Variants in PTPN7 observed in about 807,000 individuals in gnomAD.
PTPN7 encodes protein tyrosine phosphatase non-receptor type 7.
A neutral mutation model predicts 50.3 loss-of-function variants in PTPN7; 33 were observed. The observed-to-expected ratio is 0.66, with a 90% CI of 0.50 to 0.88. PTPN7 has a LOEUF of 0.88. Ranked by LOEUF, PTPN7 falls within the 40% of genes least tolerant of loss-of-function variation. The pLI is 0.00. For synonymous variants in PTPN7, 185 were observed against 186.6 expected (o/e 0.99, Z 0.07); for missense variants, 412 against 475.4 (o/e 0.87, Z 1.24).
Position 202,148,519 on chromosome 1 carries a change from C to T in PTPN7, c.*87G>A. 2 of 1,239,902 alleles carry T rather than the reference C, an allele frequency of 1.6e-6. No individual in the cohort carries two copies. The highest frequency in any genetic ancestry group is 2.4e-5 in the East Asian group (1 of 41,312). 76.8% of individuals were successfully genotyped at this position (1,239,902 alleles called of 1,614,324 possible). ...TTCCCCACACCAACCCAAGGGGTAC[C>T]CCCAGATCACTCGGCCCACTTTCCC... On this transcript the variant is annotated 3_prime_UTR_variant, in exon 10 of 10. Coordinates refer to ENST00000691036, the MANE Select transcript of PTPN7 (RefSeq NM_002832.4).
rs761025218 is a variant in PTPN7, at chr1:202,148,628, A to G, written c.1061T>C (p.Leu354Pro). ...HHTLALYAGQ[L>P]PEEPSP Reference sequence around the variant, plus strand: ...GGGTCAGGGGCTGGGTTCCTCAGGCAGCTGGCCTGCATACAGGGCCAAAGT... The same window carrying G: ...GGGTCAGGGGCTGGGTTCCTCAGGCGGCTGGCCTGCATACAGGGCCAAAGT... The change falls in exon 10 of 10, where the codon CTG becomes CCG. Residue 354 changes from leucine to proline, a missense_variant. Leu to Pro is a moderately conservative substitution (Grantham distance 98). Coordinates refer to ENST00000691036, the MANE Select transcript of PTPN7 (RefSeq NM_002832.4). 1 of 1,613,908 alleles carries G rather than the reference A, an allele frequency of 6.2e-7. No individual in the cohort carries two copies. The highest frequency in any genetic ancestry group is 8.5e-7 in the Non-Finnish European group (1 of 1,179,906).
chr1:202,150,622 T>C (rs915234163), intron 8 of PTPN7, among the ~76,000 whole-genome samples, 198 bp from the exon 9 acceptor site: 1 of 152,208 alleles, frequency 6.6e-6, no homozygotes, highest in African/African-American at 2.4e-5. Flanking sequence ...TTAATTGGCA[T>C]GGGAGGAGTT....
intron 8 of PTPN7, among the ~76,000 whole-genome samples, chr1:202,151,274 T>C (rs1252769139): frequency 6.6e-6 from 1 of 152,224 alleles, no homozygotes; most frequent in Non-Finnish European, 1.5e-5. Flanking sequence ...GGGCCTAACC[T>C]GTAACCCTGC....
chr1:202,158,378 G>A (rs1656933979), intron 2 of PTPN7, 77 bp from the exon 3 acceptor site: 1 of 1,469,662 alleles, frequency 6.8e-7, no homozygotes. Context: ...TTTTCTTTTA[G>A]AGATAGGGTC....
In PTPN7 at chr1:202,160,066, C is replaced by T. The variant is rs1282230876; in HGVS notation, c.-53+479G>A. The T allele has an allele frequency of 3.6e-6, 3 of 829,590 alleles. No individual in the cohort carries two copies. Among genetic ancestry groups the T allele is most frequent in the African/African-American group, 1.9e-5 (1 of 54,034 alleles). The allele number at this position is 829,590 out of a possible 1,614,324, so 51.4% of individuals were successfully genotyped here. ...CTCCTGCCCATCCCCCCGTCTCCCG[C>T]CTCTGTAACCGTCACAGGAAATGGC... On this transcript the variant is annotated intron_variant, in intron 1 of 9. Coordinates refer to ENST00000691036, the MANE Select transcript of PTPN7 (RefSeq NM_002832.4). This position sits in a 1 kb window ranked among gnomAD's most constrained non-coding sequence, Gnocchi z 4.8.
chr1:202,154,388 A>T, intron 5 of PTPN7, 65 bp from the exon 6 acceptor site: 1 of 1,548,890 alleles, frequency 6.5e-7, no homozygotes, highest in Non-Finnish European at 8.7e-7. Flanking sequence ...GGGAGATCCT[A>T]GATGCCTCAG....
Position 202,148,139 on chromosome 1 carries a change from G to A in PTPN7, c.*467C>T, listed in dbSNP as rs1167597722. The stretch of plus-strand genomic sequence containing the variant: ...AGGACCTCGGGTGAAGGATGATCTT[G>A]GAATCACCCTTTTGTCAGCCCCAGG... On this transcript the variant is annotated 3_prime_UTR_variant, in exon 10 of 10. Transcript: ENST00000691036. 1 of 152,960 alleles carries A rather than the reference G, an allele frequency of 6.5e-6. No homozygotes were observed. The highest frequency in any genetic ancestry group is 1.5e-5 in the Non-Finnish European group (1 of 68,628). 9.5% of individuals were successfully genotyped at this position (152,960 alleles called of 1,614,324 possible). A position where few individuals can be genotyped will look rare whatever the true frequency, so the allele number is the denominator to read the frequency against.
chr1:202,159,009 AG>A lies in PTPN7; in HGVS notation c.122+271del. 1 of 464,414 alleles carries A rather than the reference AG, an allele frequency of 2.2e-6. No individual in the cohort carries two copies. The highest frequency in any genetic ancestry group is 3.9e-6 in the Non-Finnish European group (1 of 254,874). The allele number at this position is 464,414 out of a possible 1,614,324, so 28.8% of individuals were successfully genotyped here. A position where few individuals can be genotyped will look rare whatever the true frequency, so the allele number is the denominator to read the frequency against. ...TGCCTGCCTCTTCCCACTCCCAGCC[AG>A]GCCCTGTGGCTCCGACATGCATCCA... On this transcript the variant is annotated intron_variant, in intron 2 of 9. Transcript: ENST00000691036. The surrounding 1 kb of genome is among the most constrained non-coding windows in gnomAD (Gnocchi z 4.6).
At position 202,160,572 on chromosome 1, in the gene PTPN7, T is replaced by C; in HGVS notation, c.-80A>G. The stretch of plus-strand genomic sequence containing the variant: ...AAGCAGCTGTGGCCCCCAGGCTGCC[T>C]CTTGCCAGCTGTCTGTCTGTCTGTC... On this transcript the variant is annotated 5_prime_UTR_variant, in exon 1 of 10. Coordinates refer to ENST00000691036, the MANE Select transcript of PTPN7 (RefSeq NM_002832.4). This position sits in a 1 kb window ranked among gnomAD's most constrained non-coding sequence, Gnocchi z 4.8. 6.5e-7 allele frequency: 1 copy of C among 1,549,730 alleles called. No individual in the cohort carries two copies. The highest frequency in any genetic ancestry group is 8.7e-7 in the Non-Finnish European group (1 of 1,146,308).
At position 202,150,354 on chromosome 1, in the gene PTPN7, C is replaced by T. The variant is rs200347897; in HGVS notation, c.946G>A (p.Glu316Lys). Residue 316 changes from glutamate to lysine, a missense_variant, in exon 9 of 10, where the codon GAA becomes AAA. Transcript: ENST00000691036. ...CACACAATACCCAGAATGTCCACTT[C>T]TCCTCGGGCTTTCAGCTGTTGACAG... ...IGCQQLKARG[E>K]VDILGIVCQL... 7.1e-5 allele frequency: 115 copies of T among 1,613,050 alleles called. 2 individuals carry two copies. In the Admixed American group the frequency reaches 1.9e-3, roughly 26 times the overall value.
intron 4 of PTPN7, among the ~76,000 whole-genome samples, chr1:202,156,279 C>T (rs1656648443): frequency 2.6e-5 from 4 of 152,092 alleles, no homozygotes; most frequent in Admixed American, 2.0e-4. Context: ...AGTATTCTAT[C>T]CTTGAGATCA....
At chr1:202,153,941 G>C (rs1656346070) in intron 6 of PTPN7, 106 bp from the exon 7 acceptor site, 1 of 1,056,672 alleles carries the variant, frequency 9.5e-7, no homozygotes, top group African/African-American at 1.6e-5. Flanking sequence ...CTACTGGATG[G>C]GAGGTCAGCA....
upstream of PTPN7, chr1:202,161,251 G>A: frequency 8.8e-7 from 1 of 1,135,628 alleles, no homozygotes; most frequent in Non-Finnish European, 1.1e-6. Flanking sequence ...ACAGCCCACG[G>A]CCTGAGTGTA....
chr1:202,148,847 C>CTTTTTCTTT (rs1655615064), intron 9 of PTPN7, 148 bp from the exon 10 acceptor site: 1 of 130,988 alleles, frequency 7.6e-6, no homozygotes, highest in African/African-American at 4.5e-5. Context: ...CATCTTTTCA[C>CTTTTTCTTT]TTTTTTTTTT....
Position 202,150,195 on chromosome 1 carries a change from T to A in PTPN7, c.989+116A>T, listed in dbSNP as rs1052996858. 18 of 779,676 alleles carry A rather than the reference T, an allele frequency of 2.3e-5. No homozygotes were observed. In the African/African-American group the frequency reaches 3.1e-4, roughly 13 times the overall value. The allele number at this position is 779,676 out of a possible 1,614,324, so 48.3% of individuals were successfully genotyped here. On this transcript the variant is annotated intron_variant, in intron 9 of 9. Coordinates refer to ENST00000691036, the MANE Select transcript of PTPN7 (RefSeq NM_002832.4). ...AATAAACAGCTCTAAGCAGAAAGGG[T>A]TTCTTCCTTTCTTGCAGGAGTGCTT... is the stretch of plus-strand genomic sequence containing the variant.
Position 202,160,568 on chromosome 1 carries a change from T to C in PTPN7, c.-76A>G, listed in dbSNP as rs937230701. 3 of 1,549,432 alleles carry C rather than the reference T, an allele frequency of 1.9e-6. No individual in the cohort carries two copies. In the African/African-American group the frequency reaches 4.1e-5, roughly 21 times the overall value. On this transcript the variant is annotated 5_prime_UTR_variant, in exon 1 of 10. Coordinates refer to ENST00000691036, the MANE Select transcript of PTPN7 (RefSeq NM_002832.4). This position sits in a 1 kb window ranked among gnomAD's most constrained non-coding sequence, Gnocchi z 4.8. ...ACTGAAGCAGCTGTGGCCCCCAGGC[T>C]GCCTCTTGCCAGCTGTCTGTCTGTC...
upstream of PTPN7, chr1:202,161,488 C>T (rs1047717762): frequency 7.8e-7 from 1 of 1,289,698 alleles, no homozygotes; most frequent in African/African-American, 1.5e-5. Flanking sequence ...CCCCCAAGTC[C>T]AAGACTCCTC....
Position 202,150,485 on chromosome 1 carries a change from GC to G in PTPN7, c.876-62del, listed in dbSNP as rs748867100. ...GGAGACCAGGGAATATGAGAGCCAG[GC>G]CCCAAACTATGGAGAAAGAAATGGG... is the stretch of plus-strand genomic sequence containing the variant. On this transcript the variant is annotated intron_variant, in intron 8 of 9. Coordinates refer to ENST00000691036, the MANE Select transcript of PTPN7 (RefSeq NM_002832.4). 111 of 1,340,290 alleles carry G rather than the reference GC, an allele frequency of 8.3e-5. 1 individual carries two copies. In the East Asian group the frequency reaches 2.5e-3, roughly 30 times the overall value. The allele number at this position is 1,340,290 out of a possible 1,614,324, so 83.0% of individuals were successfully genotyped here.
chr1:202,148,562 G>C lies in PTPN7; in HGVS notation c.*44C>G. 1 of 1,563,534 alleles carries C rather than the reference G, an allele frequency of 6.4e-7. No homozygotes were observed. ...ACTTTCCCCAGACCCACCTTCCCAG[G>C]CTTGAGGGAGGTAGGCACCTGGGCC... is the stretch of plus-strand genomic sequence containing the variant. On this transcript the variant is annotated 3_prime_UTR_variant, in exon 10 of 10. Transcript: ENST00000691036.
Sources: allele counts gnomAD v4.1 joint callset (sites outside exome capture counted in the v4.1 genomes callset), GRCh38; gene constraint gnomAD v4.1.1; non-coding constraint Gnocchi (gnomAD v3.1); transcripts MANE v1.5; gene names NCBI Gene and HGNC (gene_info 2026-07-23, HGNC 2026-07-21).